SPECC1L: variants seen among roughly 807,000 people sequenced by gnomAD.
SPECC1L encodes the protein sperm antigen with calponin homology and coiled-coil domains 1 like, also known as cytospin-A.
In SPECC1L, 40 loss-of-function variants were observed where a neutral mutation model predicts 116.8. The observed-to-expected ratio is 0.34, with a 90% CI of 0.27 to 0.45. SPECC1L has a LOEUF of 0.45. Among genes scored for constraint, SPECC1L ranks in the 20% least tolerant of loss-of-function variants. SPECC1L has a pLI of 1.00. For missense variants in SPECC1L, 1,110 were observed against 1,373.6 expected (o/e 0.81, Z 3.03); for synonymous variants, 504 against 500.6 (o/e 1.01, Z -0.09).
At chr22:24,308,058 T>C (rs927642619) in intron 3 of SPECC1L, among the ~76,000 whole-genome samples, 1 of 151,096 alleles carries the variant, frequency 6.6e-6, no homozygotes, top group Admixed American at 6.6e-5. Context: ...TATACACACA[T>C]AGTTTTTTTG....
At chr22:24,377,082 C>A (rs2041985775) in intron 14 of SPECC1L, among the ~76,000 whole-genome samples, 1 of 152,088 alleles carries the variant, frequency 6.6e-6, no homozygotes, top group South Asian at 2.1e-4. Flanking sequence ...TGGACATTTC[C>A]TATAAATGGA....
At chr22:24,405,267 G>A (rs1389317993) in intron 14 of SPECC1L, among the ~76,000 whole-genome samples, 1 of 152,152 alleles carries the variant, frequency 6.6e-6, no homozygotes, top group Non-Finnish European at 1.5e-5. Flanking sequence ...TTAGAGAGAA[G>A]GGGAGAAGGA....
At chr22:24,372,638 G>A (rs2041893813) in intron 14 of SPECC1L, among the ~76,000 whole-genome samples, 1 of 152,072 alleles carries the variant, frequency 6.6e-6, no homozygotes, top group South Asian at 2.1e-4. Flanking sequence ...AATAATAAGA[G>A]CTATCTATGG....
chr22:24,273,139 G>C (rs1001190996), intron 1 of SPECC1L, among the ~76,000 whole-genome samples: 1 of 152,100 alleles, frequency 6.6e-6, no homozygotes, highest in Non-Finnish European at 1.5e-5. Context: ...GTGTATCTGC[G>C]GTGTTTCTTC....
intron 11 of SPECC1L, among the ~76,000 whole-genome samples, chr22:24,357,665 C>T (rs1261413605): frequency 6.6e-6 from 1 of 152,180 alleles, no homozygotes; most frequent in Non-Finnish European, 1.5e-5. Context: ...TTAATCTGCT[C>T]AGGAGCTGGG....
intron 15 of SPECC1L, among the ~76,000 whole-genome samples, chr22:24,411,949 C>G (rs914878004): frequency 2.0e-5 from 3 of 152,260 alleles, no homozygotes; most frequent in African/African-American, 7.2e-5. Flanking sequence ...AGCAGCCAGT[C>G]CTTCCTGAGT....
At chr22:24,355,063 G>A (rs2041501976) in intron 11 of SPECC1L, among the ~76,000 whole-genome samples, 1 of 151,462 alleles carries the variant, frequency 6.6e-6, no homozygotes, top group Non-Finnish European at 1.5e-5. Flanking sequence ...GGCGGATCAG[G>A]AGGTCAAGAG....
intron 10 of SPECC1L, among the ~76,000 whole-genome samples, chr22:24,338,681 C>T (rs2041111582): frequency 6.6e-6 from 1 of 152,202 alleles, no homozygotes; most frequent in South Asian, 2.1e-4. Flanking sequence ...CTGATAGACT[C>T]TAATAATGAT....
chr22:24,343,865 A>G (rs1294812681), intron 10 of SPECC1L, among the ~76,000 whole-genome samples: 1 of 152,210 alleles, frequency 6.6e-6, no homozygotes, highest in Non-Finnish European at 1.5e-5. Flanking sequence ...TTCATTATCC[A>G]CAGACAGTTG....
chr22:24,346,599 A>G (rs564706521), intron 10 of SPECC1L, among the ~76,000 whole-genome samples: 2 of 152,328 alleles, frequency 1.3e-5, no homozygotes, highest in Non-Finnish European at 1.5e-5. Flanking sequence ...TCAGAATACC[A>G]GTGGTTGCCA....
intron 14 of SPECC1L, among the ~76,000 whole-genome samples, chr22:24,400,255 G>A (rs1367836055): frequency 2.0e-5 from 3 of 152,090 alleles, no homozygotes; most frequent in Non-Finnish European, 4.4e-5. Context: ...CTAGCACTTG[G>A]CAACCACTCG....
intron 11 of SPECC1L, among the ~76,000 whole-genome samples, chr22:24,354,736 G>T (rs1198238467): frequency 6.7e-6 from 1 of 149,890 alleles, no homozygotes; most frequent in African/African-American, 2.5e-5. Context: ...ATCTCGGCTC[G>T]CTGCAACCTG....
chr22:24,396,999 G>C (rs1469488246), intron 14 of SPECC1L, among the ~76,000 whole-genome samples: 2 of 152,204 alleles, frequency 1.3e-5, no homozygotes, highest in Non-Finnish European at 2.9e-5. Context: ...CTTTCTTCCA[G>C]TGGTGGTATC....
intron 2 of SPECC1L, 123 bp from the exon 3 acceptor site, chr22:24,302,072 C>A: frequency 3.9e-6 from 3 of 764,126 alleles, no homozygotes; most frequent in Non-Finnish European, 4.2e-6. Context: ...TTTTTTTCAA[C>A]TTTTCTGTAG....
At chr22:24,376,558 A>G (rs553362347) in intron 14 of SPECC1L, among the ~76,000 whole-genome samples, 3 of 152,374 alleles carry the variant, frequency 2.0e-5, no homozygotes, top group Non-Finnish European at 2.9e-5. Context: ...GCTGAAAGAA[A>G]TTAAAATCTA....
At chr22:24,283,087 G>GT (rs886217657) in intron 2 of SPECC1L, among the ~76,000 whole-genome samples, 37 of 146,248 alleles carry the variant, frequency 2.5e-4, no homozygotes, top group South Asian at 2.4e-3. Flanking sequence ...CGATAACTTT[G>GT]TTTTTTTTTG....
At chr22:24,406,834 C>T (rs2042601240) in intron 14 of SPECC1L, among the ~76,000 whole-genome samples, 1 of 152,242 alleles carries the variant, frequency 6.6e-6, no homozygotes, top group African/African-American at 2.4e-5. Flanking sequence ...AACCCAGCTT[C>T]GTTGTTCTTA....
At chr22:24,310,317 A>G (rs1352407972) in intron 3 of SPECC1L, among the ~76,000 whole-genome samples, 4 of 152,256 alleles carry the variant, frequency 2.6e-5, no homozygotes, top group Non-Finnish European at 2.9e-5. Context: ...GCAGTGAATA[A>G]TTAGCCATGT....
Position 24,369,323 on chromosome 22 carries a change from A to G in SPECC1L, c.3087+3A>G, listed in dbSNP as rs2146647227. The G allele has an allele frequency of 1.2e-6, 2 of 1,607,692 alleles. No homozygotes were observed. The highest frequency in any genetic ancestry group is 2.2e-5 in the East Asian group (1 of 44,840). On this transcript the variant is annotated splice_donor_region_variant and intron_variant, in intron 14 of 16. Transcript: ENST00000314328. ...AGAAGAAAACAGAAGGCTATCAGGT[A>G]ATCATATGATTCTTTTGTCCCATGT...
Sources: allele counts gnomAD v4.1 joint callset (sites outside exome capture counted in the v4.1 genomes callset), GRCh38; gene constraint gnomAD v4.1.1; transcripts MANE v1.5; gene names NCBI Gene and HGNC (gene_info 2026-07-23, HGNC 2026-07-21).